Variants in ARHGEF28 observed in about 807,000 individuals in gnomAD.
ARHGEF28 encodes the protein Rho guanine nucleotide exchange factor 28.
ARHGEF28 carries 152 observed loss-of-function variants against 206.6 expected under a neutral mutation model. The observed-to-expected ratio is 0.74, with a 90% CI of 0.64 to 0.84. The LOEUF (loss-of-function observed/expected upper bound fraction) is 0.84, where lower values mean the gene tolerates loss of function less well. Ranked by LOEUF, ARHGEF28 falls within the 40% of genes least tolerant of loss-of-function variation. ARHGEF28 has a pLI of 0.00. For synonymous variants in ARHGEF28, 763 were observed against 776.4 expected (o/e 0.98, Z 0.29); for missense variants, 2,028 against 2,073.2 (o/e 0.98, Z 0.42).
intron 4 of ARHGEF28, among the ~76,000 whole-genome samples, chr5:73,765,837 C>A (rs113267692): frequency 1.1e-3 from 160 of 151,194 alleles, no homozygotes; most frequent in Non-Finnish European, 2.1e-3. Context: ...TAATGTGAAT[C>A]AAAAAAAAAT....
At chr5:73,857,564 T>C in intron 14 of ARHGEF28, 92 bp from the exon 15 acceptor site, 4 of 1,193,092 alleles carry the variant, frequency 3.4e-6, no homozygotes, top group Non-Finnish European at 4.6e-6. Context: ...CATATATGTG[T>C]ACACACACAC....
chr5:73,701,622 C>T (rs1002604044), intron 2 of ARHGEF28, among the ~76,000 whole-genome samples: 1 of 152,102 alleles, frequency 6.6e-6, no homozygotes, highest in East Asian at 1.9e-4. Flanking sequence ...CTCCCCCCAC[C>T]ATTCCTAACC....
chr5:73,917,305 G>A (rs1763264926), intron 35 of ARHGEF28, among the ~76,000 whole-genome samples: 1 of 152,166 alleles, frequency 6.6e-6, no homozygotes, highest in South Asian at 2.1e-4. Flanking sequence ...ATCACATTAG[G>A]TTATGTTTTA....
Position 73,659,324 on chromosome 5 carries a change from A to G in ARHGEF28, c.-11-25517A>G, listed in dbSNP as rs1428522605. Among the ~76,000 whole-genome samples, 10 of 152,228 alleles carry G rather than the reference A, an allele frequency of 6.6e-5. No homozygotes were observed. In the East Asian group the frequency reaches 1.9e-3, roughly 29 times the overall value. The stretch of plus-strand genomic sequence containing the variant: ...GGCAGACAGATCACGAGGTCAGGAG[A>G]TCAAGACCATCCTGGCTAACACGGT... On this transcript the variant is annotated intron_variant, in intron 1 of 35. Coordinates refer to ENST00000513042, the MANE Select transcript of ARHGEF28 (RefSeq NM_001177693.2).
intron 1 of ARHGEF28, among the ~76,000 whole-genome samples, chr5:73,667,942 C>T (rs191151519): frequency 3.9e-5 from 6 of 152,260 alleles, no homozygotes; most frequent in Admixed American, 2.6e-4. Context: ...ACATTTACTC[C>T]AGTTTTTAAT....
At chr5:73,900,289 T>C (rs1580070813) in intron 30 of ARHGEF28, 1 of 152,182 alleles carries the variant, frequency 6.6e-6, no homozygotes, top group East Asian at 1.9e-4. Context: ...ACAAACAGTG[T>C]CATAAAGTGA....
At chr5:73,687,867 C>T (rs566819717) in intron 2 of ARHGEF28, among the ~76,000 whole-genome samples, 63 of 152,196 alleles carry the variant, frequency 4.1e-4, no homozygotes, top group African/African-American at 1.3e-3. Context: ...TTATCTATAT[C>T]TCTGTTGAAT....
chr5:73,797,186 T>C (rs1376790798), intron 9 of ARHGEF28, among the ~76,000 whole-genome samples: 1 of 152,190 alleles, frequency 6.6e-6, no homozygotes, highest in Non-Finnish European at 1.5e-5. Flanking sequence ...GATGAGTGTT[T>C]GTTGTGCTAG....
chr5:73,878,666 T>A (rs1411419892), intron 22 of ARHGEF28, among the ~76,000 whole-genome samples: 2 of 151,110 alleles, frequency 1.3e-5, no homozygotes, highest in Non-Finnish European at 2.9e-5. Flanking sequence ...AAGTATTTTA[T>A]TTCTCCTTCA....
chr5:73,632,077 C>A (rs372777363), intron 1 of ARHGEF28, among the ~76,000 whole-genome samples: 1 of 152,138 alleles, frequency 6.6e-6, no homozygotes, highest in Non-Finnish European at 1.5e-5. Context: ...AGAATATACA[C>A]GTGTTGGTCA....
chr5:73,716,668 T>A (rs1749608880), intron 2 of ARHGEF28, among the ~76,000 whole-genome samples: 1 of 152,340 alleles, frequency 6.6e-6, no homozygotes, highest in Non-Finnish European at 1.5e-5. Flanking sequence ...AGACTCTTAG[T>A]TACCTTCTTT....
chr5:73,741,375 GTGTGTGTGTGTATATATATA>G (rs1751386824), intron 2 of ARHGEF28, among the ~76,000 whole-genome samples: 1 of 63,824 alleles, frequency 1.6e-5, no homozygotes, highest in African/African-American at 5.2e-5. Flanking sequence ...GTGTGTGTGT[GTGTGTGTGTGTATATATATA>G]TATATATATA....
chr5:73,669,424 T>C (rs966218078), intron 1 of ARHGEF28, among the ~76,000 whole-genome samples: 3 of 152,240 alleles, frequency 2.0e-5, no homozygotes, highest in African/African-American at 7.2e-5. Flanking sequence ...AGATACTTTG[T>C]ATACTCTGCC....
At chr5:73,845,804 G>C (rs558736637) in intron 11 of ARHGEF28, among the ~76,000 whole-genome samples, 5 of 151,712 alleles carry the variant, frequency 3.3e-5, no homozygotes, top group Non-Finnish European at 5.9e-5. Flanking sequence ...AGACCAGCCT[G>C]GGCAACATGG....
intron 1 of ARHGEF28, among the ~76,000 whole-genome samples, chr5:73,645,777 CT>C (rs931736528): frequency 2.7e-5 from 4 of 149,802 alleles, no homozygotes; most frequent in African/African-American, 4.9e-5. Context: ...TATTTTCCCA[CT>C]TTTTTTTTTC....
intron 31 of ARHGEF28, 92 bp downstream of exon 31, chr5:73,901,376 C>A: frequency 1.1e-6 from 1 of 945,432 alleles, no homozygotes; most frequent in Non-Finnish European, 1.6e-6. Flanking sequence ...GTCAGTGGGG[C>A]AAAGGTGCTT....
chr5:73,924,287 G>C (rs1256645814), intron 35 of ARHGEF28, among the ~76,000 whole-genome samples: 1 of 152,190 alleles, frequency 6.6e-6, no homozygotes, highest in Non-Finnish European at 1.5e-5. Flanking sequence ...GATTAAGATG[G>C]AAGGCTTGGG....
chr5:73,629,821 TTTCTC>T (rs1743249545), intron 1 of ARHGEF28, among the ~76,000 whole-genome samples: 1 of 152,212 alleles, frequency 6.6e-6, no homozygotes, highest in African/African-American at 2.4e-5. Context: ...TCAGAGGTGT[TTTCTC>T]TTGTTTTAGT....
intron 1 of ARHGEF28, among the ~76,000 whole-genome samples, chr5:73,660,014 T>G (rs1745489147): frequency 6.6e-6 from 1 of 152,186 alleles, no homozygotes; most frequent in Non-Finnish European, 1.5e-5. Context: ...TGAAGTTTGC[T>G]GCATTGATTG....
Sources: allele counts gnomAD v4.1 joint callset (sites outside exome capture counted in the v4.1 genomes callset), GRCh38; gene constraint gnomAD v4.1.1; transcripts MANE v1.5; gene names NCBI Gene and HGNC (gene_info 2026-07-23, HGNC 2026-07-21).